HS6ST3: variants seen among roughly 807,000 people sequenced by gnomAD.
HS6ST3 encodes the protein heparan-sulfate 6-O-sulfotransferase 3.
In HS6ST3, 12 loss-of-function variants were observed where a neutral mutation model predicts 36.7. The ratio of observed to expected loss-of-function variants is 0.33; its 90% CI spans 0.21 to 0.53. The LOEUF (loss-of-function observed/expected upper bound fraction) is 0.53, where lower values mean the gene tolerates loss of function less well. HS6ST3 is among the 20% of genes least tolerant of loss of function. The pLI is 0.95. For missense variants in HS6ST3, 584 were observed against 640.9 expected, an observed-to-expected ratio of 0.91 and a Z score of 0.96; for synonymous variants, 240 against 257.5, an observed-to-expected ratio of 0.93 and a Z score of 0.65.
chr13:96,663,087 C>A (rs2056652070), intron 1 of HS6ST3, among the ~76,000 whole-genome samples: 1 of 152,098 alleles, frequency 6.6e-6, no homozygotes, highest in Non-Finnish European at 1.5e-5. Context: ...CCCACAAATA[C>A]CCCAGTGATG....
chr13:96,105,095 A>C (rs2053835651), intron 1 of HS6ST3, among the ~76,000 whole-genome samples: 1 of 151,896 alleles, frequency 6.6e-6, no homozygotes, highest in Non-Finnish European at 1.5e-5. Flanking sequence ...AAGAAAGAAG[A>C]AAAGTGCAGA....
intron 1 of HS6ST3, among the ~76,000 whole-genome samples, chr13:96,655,946 T>C (rs2139015712): frequency 1.3e-5 from 2 of 152,264 alleles, no homozygotes; most frequent in Middle Eastern, 3.4e-3. Context: ...GTAAAATATG[T>C]CACTCATTTT....
At position 96,825,363 on chromosome 13, in the gene HS6ST3, A is replaced by T. The variant is rs572127864; in HGVS notation, c.708-7127A>T. On this transcript the variant is annotated intron_variant, in intron 1 of 1. Coordinates refer to ENST00000376705, the MANE Select transcript of HS6ST3 (RefSeq NM_153456.4). ...AAGATACTAGCTCTGCCTTTTATCT[A>T]CTGCAGTATTGAAAAGGAAGGATTT... Among the ~76,000 whole-genome samples, 5 of 152,282 alleles carry T rather than the reference A, an allele frequency of 3.3e-5. No homozygotes were observed. In the East Asian group the frequency reaches 9.6e-4, roughly 29 times the overall value.
intron 1 of HS6ST3, among the ~76,000 whole-genome samples, chr13:96,170,643 T>C (rs533703061): frequency 7.2e-5 from 11 of 152,216 alleles, no homozygotes; most frequent in Non-Finnish European, 1.3e-4. Flanking sequence ...AGGACTCAGA[T>C]TGATAAAGAC....
intron 1 of HS6ST3, among the ~76,000 whole-genome samples, chr13:96,478,148 G>A (rs1489525993): frequency 6.6e-6 from 1 of 152,130 alleles, no homozygotes; most frequent in Non-Finnish European, 1.5e-5. Context: ...TACAACAGTG[G>A]GAGCTCAATC....
At chr13:96,259,187 T>C (rs1004674642) in intron 1 of HS6ST3, among the ~76,000 whole-genome samples, 2 of 152,170 alleles carry the variant, frequency 1.3e-5, no homozygotes, top group African/African-American at 4.8e-5. Flanking sequence ...TATGTGTGCA[T>C]GGGTGTCCTT....
At chr13:96,790,780 G>C (rs1877768505) in intron 1 of HS6ST3, among the ~76,000 whole-genome samples, 1 of 152,056 alleles carries the variant, frequency 6.6e-6, no homozygotes, top group Non-Finnish European at 1.5e-5. Flanking sequence ...CTCGATAGCA[G>C]TCACCTTCAC....
At chr13:96,384,982 C>G (rs1389509751) in intron 1 of HS6ST3, among the ~76,000 whole-genome samples, 1 of 152,020 alleles carries the variant, frequency 6.6e-6, no homozygotes, top group East Asian at 1.9e-4. Context: ...GAGTTCGAGA[C>G]CAACCTGACC....
rs149267506 is a variant in HS6ST3 at position 96,125,037 on chromosome 13, A to G, written c.707+33468A>G. On this transcript the variant is annotated intron_variant, in intron 1 of 1. Transcript: ENST00000376705. Reference sequence around the variant, plus strand: ...TTTTAGATGTTGAAATTTAGTGTGCAGCCAGTGATTTAAAGTAAAGCACTG... The same window carrying G: ...TTTTAGATGTTGAAATTTAGTGTGCGGCCAGTGATTTAAAGTAAAGCACTG... Among the ~76,000 whole-genome samples the G allele has an allele frequency of 4.1e-4, 63 of 152,334 alleles. 1 individual carries two copies. In the East Asian group the frequency reaches 0.011, roughly 27 times the overall value.
At chr13:96,209,057 G>T (rs2054385926) in intron 1 of HS6ST3, among the ~76,000 whole-genome samples, 1 of 152,138 alleles carries the variant, frequency 6.6e-6, no homozygotes, top group African/African-American at 2.4e-5. Context: ...AATTTGGCTT[G>T]GGATACAGAA....
At chr13:96,603,402 G>C (rs925062196) in intron 1 of HS6ST3, among the ~76,000 whole-genome samples, 8 of 152,138 alleles carry the variant, frequency 5.3e-5, no homozygotes, top group African/African-American at 7.2e-5. Context: ...TTTTTCTTGT[G>C]GTAGTTCATT....
At chr13:96,396,869 A>C (rs1226542825) in intron 1 of HS6ST3, among the ~76,000 whole-genome samples, 1 of 152,198 alleles carries the variant, frequency 6.6e-6, no homozygotes, top group African/African-American at 2.4e-5. Context: ...AAAGCCAAGG[A>C]ATTAAAGTAG....
chr13:96,128,836 AT>A lies in HS6ST3; in HGVS notation c.707+37276del, dbSNP rs369901024. 5.3e-3 allele frequency among the ~76,000 whole-genome samples: 773 copies of A among 147,092 alleles called. 7 individuals carry two copies. The highest frequency in any genetic ancestry group is 0.019 in the African/African-American group (738 of 39,796). ...TTCATCCCAAGAGGTTTATCAAAGT[AT>A]TTTTTTTTCCCCTGTGCTTTTTTTT... On this transcript the variant is annotated intron_variant, in intron 1 of 1. Coordinates refer to ENST00000376705, the MANE Select transcript of HS6ST3 (RefSeq NM_153456.4).
intron 1 of HS6ST3, among the ~76,000 whole-genome samples, chr13:96,378,266 T>C (rs1277339136): frequency 6.6e-6 from 1 of 152,174 alleles, no homozygotes; most frequent in African/African-American, 2.4e-5. Flanking sequence ...ATGAGAGTTA[T>C]CTGTGGTTTT....
rs1208486458 is a variant in HS6ST3 at position 96,835,651 on chromosome 13, TG to T, written c.*2454del. ...CACACACACAAACAATCCAGTGTTT[TG>T]TCATGTGGAAAATCAAAACAAGTTA... On this transcript the variant is annotated 3_prime_UTR_variant, in exon 2 of 2. Coordinates refer to ENST00000376705, the MANE Select transcript of HS6ST3 (RefSeq NM_153456.4). 5 of 149,168 alleles carry T rather than the reference TG, an allele frequency of 3.4e-5. No homozygotes were observed. The East Asian group carries it at 9.9e-4, about 29-fold the overall frequency. 9.2% of individuals were successfully genotyped at this position (149,168 alleles called of 1,614,324 possible).
intron 1 of HS6ST3, among the ~76,000 whole-genome samples, chr13:96,807,892 A>G (rs866242977): frequency 4.6e-5 from 7 of 151,808 alleles, no homozygotes; most frequent in Middle Eastern, 3.4e-3. Flanking sequence ...GTGTAGCATT[A>G]TAGATGTGAG....
At chr13:96,831,295 T>C (rs1053297665) in intron 1 of HS6ST3, among the ~76,000 whole-genome samples, 1 of 152,176 alleles carries the variant, frequency 6.6e-6, no homozygotes, top group African/African-American at 2.4e-5. Flanking sequence ...TCTGTGACTG[T>C]AATAACCACA....
chr13:96,754,616 G>T (rs1284202569), intron 1 of HS6ST3, among the ~76,000 whole-genome samples: 1 of 152,164 alleles, frequency 6.6e-6, no homozygotes, highest in African/African-American at 2.4e-5. Context: ...AGTTCAGTGG[G>T]TCTATAGCTC....
chr13:96,732,054 T>A (rs1026558381), intron 1 of HS6ST3, among the ~76,000 whole-genome samples: 1 of 152,224 alleles, frequency 6.6e-6, no homozygotes, highest in African/African-American at 2.4e-5. Context: ...TTTACGCACA[T>A]CCTTGCTAAT....
Sources: allele counts gnomAD v4.1 joint callset (sites outside exome capture counted in the v4.1 genomes callset), GRCh38; gene constraint gnomAD v4.1.1; transcripts MANE v1.5; gene names NCBI Gene and HGNC (gene_info 2026-07-23, HGNC 2026-07-21).